Variants in PIP5K1C observed in about 807,000 individuals in gnomAD.
The protein encoded by PIP5K1C is phosphatidylinositol 4-phosphate 5-kinase type-1 gamma.
Under a neutral mutation model 80.1 loss-of-function variants are expected in PIP5K1C, and 45 were observed. The ratio of observed to expected loss-of-function variants is 0.56; its 90% CI spans 0.44 to 0.72. The LOEUF (loss-of-function observed/expected upper bound fraction) is 0.72. PIP5K1C is among the 30% of genes least tolerant of loss of function. The pLI, the probability that PIP5K1C is intolerant of heterozygous loss-of-function variation, is 0.00. For missense variants in PIP5K1C, 753 were observed against 954.6 expected, an observed-to-expected ratio of 0.79 and a Z score of 2.78; for synonymous variants, 498 against 420.1, an observed-to-expected ratio of 1.19 and a Z score of -2.27.
chr19:3,689,913 C>G (rs1302993149), intron 1 of PIP5K1C, among the ~76,000 whole-genome samples: 3 of 152,136 alleles, frequency 2.0e-5, no homozygotes, highest in African/African-American at 7.2e-5. Flanking sequence ...GCGGGCTGTA[C>G]AGGTCTTCAC....
chr19:3,698,467 G>A (rs1179616251), intron 1 of PIP5K1C, among the ~76,000 whole-genome samples: 1 of 152,240 alleles, frequency 6.6e-6, no homozygotes, highest in Non-Finnish European at 1.5e-5. Flanking sequence ...GGAGACTCCA[G>A]ATGACCAGAG....
chr19:3,689,179 C>A (rs766719137), intron 1 of PIP5K1C, among the ~76,000 whole-genome samples: 63 of 152,138 alleles, frequency 4.1e-4, no homozygotes, highest in Non-Finnish European at 8.2e-4. Flanking sequence ...GTGTGAGCCA[C>A]CGCACCCAGC....
In PIP5K1C at chr19:3,637,908, A is replaced by G. The variant is rs1469753274; in HGVS notation, c.1920+976T>C. 2 of 1,535,312 alleles carry G rather than the reference A, an allele frequency of 1.3e-6. No homozygotes were observed. The highest frequency in any genetic ancestry group is 4.9e-5 in the East Asian group (2 of 40,900). ...AGGACGCGCACAAACCAGTCCCAGG[A>G]AAAGGGGTGACGACGTGCGGTGGGT... On this transcript the variant is annotated intron_variant, in intron 16 of 17. Transcript: ENST00000335312. The surrounding 1 kb of genome is among the most constrained non-coding windows in gnomAD (Gnocchi z 7.0).
rs2035822013 is a variant in PIP5K1C at position 3,688,058 on chromosome 19, C to T, written c.94+12239G>A. Among the ~76,000 whole-genome samples the T allele has an allele frequency of 6.6e-6, 1 of 152,162 alleles. No homozygotes were observed. Among genetic ancestry groups the T allele is most frequent in the Non-Finnish European group, 1.5e-5 (1 of 68,014 alleles). On this transcript the variant is annotated intron_variant, in intron 1 of 17. Coordinates refer to ENST00000335312, the MANE Select transcript of PIP5K1C (RefSeq NM_012398.3). This position sits in a 1 kb window ranked among gnomAD's most constrained non-coding sequence, Gnocchi z 5.3. ...GGGGCCGACGGGATGGGTCAGGGTG[C>T]ACAGAGCACACGCCAGCCCCTGGGG...
chr19:3,681,035 AC>A (rs1413701680), intron 1 of PIP5K1C, among the ~76,000 whole-genome samples: 1 of 151,946 alleles, frequency 6.6e-6, no homozygotes, highest in African/African-American at 2.4e-5. Flanking sequence ...AGAGGCAGAG[AC>A]CCTGTTTTAG....
At chr19:3,698,509 C>T (rs961445517) in intron 1 of PIP5K1C, among the ~76,000 whole-genome samples, 3 of 152,212 alleles carry the variant, frequency 2.0e-5, no homozygotes, top group Non-Finnish European at 2.9e-5. Context: ...GAGTCATAAA[C>T]GTGTGGCATT....
chr19:3,653,202 C>G, intron 7 of PIP5K1C, 88 bp downstream of exon 7: 1 of 1,302,962 alleles, frequency 7.7e-7, no homozygotes, highest in South Asian at 1.2e-5. Flanking sequence ...CGGCCTGGCA[C>G]CCTCCCTGGC....
At chr19:3,663,008 G>A (rs546078304) in intron 3 of PIP5K1C, among the ~76,000 whole-genome samples, 105 of 152,028 alleles carry the variant, frequency 6.9e-4, no homozygotes, top group Non-Finnish European at 7.9e-4. Flanking sequence ...TTACAGGCAC[G>A]CACCAGCACA....
chr19:3,635,823 C>CA (rs1215959820), intron 16 of PIP5K1C, among the ~76,000 whole-genome samples: 3 of 151,750 alleles, frequency 2.0e-5, no homozygotes, highest in East Asian at 3.9e-4. Context: ...ACTAAAAATA[C>CA]AAAAAAATTA....
At chr19:3,666,694 A>G (rs960581024) in intron 2 of PIP5K1C, among the ~76,000 whole-genome samples, 2 of 147,952 alleles carry the variant, frequency 1.4e-5, no homozygotes, top group African/African-American at 5.0e-5. Context: ...CACACAGGCA[A>G]ACATCCACAC....
chr19:3,679,422 G>C (rs538901884), intron 1 of PIP5K1C, among the ~76,000 whole-genome samples: 1 of 152,194 alleles, frequency 6.6e-6, no homozygotes, highest in Non-Finnish European at 1.5e-5. Context: ...CAGGGAGACC[G>C]TCCTCACAGC....
intron 1 of PIP5K1C, among the ~76,000 whole-genome samples, chr19:3,690,278 C>T (rs1390398338): frequency 6.6e-6 from 1 of 152,036 alleles, no homozygotes; most frequent in African/African-American, 2.4e-5. Context: ...AAGAGGATCA[C>T]TTGAGGCCAG....
intron 16 of PIP5K1C, among the ~76,000 whole-genome samples, 182 bp from the exon 17 acceptor site, chr19:3,633,702 G>A (rs944890212): frequency 2.1e-4 from 32 of 152,132 alleles, no homozygotes; most frequent in African/African-American, 1.9e-4. Flanking sequence ...CAACCTGGAC[G>A]GGCCTGGGGC....
At chr19:3,664,649 G>A (rs1277638142) in intron 3 of PIP5K1C, among the ~76,000 whole-genome samples, 173 bp downstream of exon 3, 1 of 152,224 alleles carries the variant, frequency 6.6e-6, no homozygotes, top group African/African-American at 2.4e-5. Context: ...CAAACAGTGG[G>A]GCCTCATGCA....
intron 3 of PIP5K1C, among the ~76,000 whole-genome samples, chr19:3,664,381 G>T (rs569106175): frequency 2.0e-5 from 3 of 152,118 alleles, no homozygotes; most frequent in African/African-American, 7.2e-5. Context: ...TCAGTAAAAC[G>T]GTTACTTTTG....
chr19:3,663,185 A>G (rs918268135), intron 3 of PIP5K1C, among the ~76,000 whole-genome samples: 2 of 150,966 alleles, frequency 1.3e-5, no homozygotes, highest in African/African-American at 2.5e-5. Context: ...TATTTTTGCC[A>G]TTGGCATCGT....
chr19:3,635,148 A>C (rs1288296655), intron 16 of PIP5K1C, among the ~76,000 whole-genome samples: 1 of 152,236 alleles, frequency 6.6e-6, no homozygotes, highest in Admixed American at 6.5e-5. Context: ...GCCCGCAGGG[A>C]GGAGGGTGGC....
At chr19:3,684,840 G>T (rs943234301) in intron 1 of PIP5K1C, among the ~76,000 whole-genome samples, 26 of 152,164 alleles carry the variant, frequency 1.7e-4, no homozygotes, top group African/African-American at 6.3e-4. Flanking sequence ...CCCACCAGGA[G>T]AACTCAAGCT....
intron 15 of PIP5K1C, among the ~76,000 whole-genome samples, chr19:3,639,340 G>C (rs2033861315): frequency 6.6e-6 from 1 of 152,220 alleles, no homozygotes; most frequent in African/African-American, 2.4e-5. Flanking sequence ...GCCACCCTGG[G>C]AGGGCCTGTT....
Sources: allele counts gnomAD v4.1 joint callset (sites outside exome capture counted in the v4.1 genomes callset), GRCh38; gene constraint gnomAD v4.1.1; non-coding constraint Gnocchi (gnomAD v3.1); transcripts MANE v1.5; gene names NCBI Gene and HGNC (gene_info 2026-07-23, HGNC 2026-07-21).